Variants in CEP63 observed in about 807,000 individuals in gnomAD.
The protein encoded by CEP63 is centrosomal protein of 63 kDa.
In CEP63, 84 loss-of-function variants were observed where a neutral mutation model predicts 89.1. The ratio of observed to expected loss-of-function variants is 0.94; its 90% confidence interval spans 0.79 to 1.13. CEP63 has a LOEUF of 1.13. Ranked by LOEUF, CEP63 falls within the 50% of genes most tolerant of loss-of-function variation. The pLI is 0.00. For synonymous variants in CEP63, 267 were observed against 272.5 expected, an observed-to-expected ratio of 0.98 and a Z score of 0.20; for missense variants, 838 against 813.3, an observed-to-expected ratio of 1.03 and a Z score of -0.37.
At chr3:134,722,493 TAA>T in the CEP63 span, among the ~76,000 whole-genome samples, 1 of 152,186 alleles carries the variant, frequency 6.6e-6, no homozygotes, top group Non-Finnish European at 1.5e-5. Context: ...TTGATCTTAT[TAA>T]AGAGCCAGCT....
chr3:134,674,409 T>G, the CEP63 span, among the ~76,000 whole-genome samples: 1 of 152,112 alleles, frequency 6.6e-6, no homozygotes, highest in East Asian at 1.9e-4. Flanking sequence ...TTAAAAACAC[T>G]CGACAAACTA....
the CEP63 span, among the ~76,000 whole-genome samples, chr3:134,714,603 G>A: frequency 6.6e-6 from 1 of 152,210 alleles, no homozygotes; most frequent in African/African-American, 2.4e-5. Context: ...TCAAGGCTGG[G>A]CATTTCTTGA....
the CEP63 span, among the ~76,000 whole-genome samples, chr3:134,765,207 G>A: frequency 6.6e-6 from 1 of 152,194 alleles, no homozygotes; most frequent in Admixed American, 6.5e-5. Context: ...TTCATATTCT[G>A]CTTAATTAGA....
chr3:134,646,204 C>T, the CEP63 span, among the ~76,000 whole-genome samples: 1 of 152,178 alleles, frequency 6.6e-6, no homozygotes, highest in East Asian at 1.9e-4. Context: ...GTTTTGTTAG[C>T]TTTGGCGTCT....
At chr3:134,754,911 T>C in the CEP63 span, among the ~76,000 whole-genome samples, 1 of 151,820 alleles carries the variant, frequency 6.6e-6, no homozygotes, top group South Asian at 2.1e-4. Context: ...GGAGGGACAT[T>C]TGGGGGTCTC....
chr3:134,530,917 T>C (rs1314760667), intron 3 of CEP63, among the ~76,000 whole-genome samples: 1 of 152,228 alleles, frequency 6.6e-6, no homozygotes, highest in African/African-American at 2.4e-5. Context: ...TCCCTCTCCC[T>C]CCCTACTTAC....
the CEP63 span, among the ~76,000 whole-genome samples, chr3:134,776,760 A>G: frequency 5.3e-5 from 8 of 152,220 alleles, no homozygotes; most frequent in African/African-American, 9.7e-5. Context: ...GTTGGAGGTC[A>G]TGGGAGCCAG....
intron 1 of CEP63, among the ~76,000 whole-genome samples, chr3:134,494,450 C>T (rs966864792): frequency 7.2e-5 from 11 of 152,066 alleles, no homozygotes; most frequent in African/African-American, 1.9e-4. Context: ...TTCTATCTCC[C>T]GTTCCCTCTT....
intron 1 of CEP63, among the ~76,000 whole-genome samples, chr3:134,491,798 A>G (rs975787541): frequency 3.9e-5 from 6 of 152,314 alleles, no homozygotes; most frequent in Admixed American, 2.0e-4. Context: ...AGGTACAGGG[A>G]CAGAGAGCAT....
the CEP63 span, among the ~76,000 whole-genome samples, chr3:134,744,129 T>C: frequency 6.6e-6 from 1 of 152,180 alleles, no homozygotes; most frequent in Non-Finnish European, 1.5e-5. Context: ...CTATCCATAA[T>C]TGAGATTTGG....
intron 10 of CEP63, among the ~76,000 whole-genome samples, chr3:134,584,787 G>A (rs895603296): frequency 6.6e-6 from 1 of 151,960 alleles, no homozygotes; most frequent in Non-Finnish European, 1.5e-5. Context: ...GGTTGAATTC[G>A]GCTGTGAATC....
the CEP63 span, among the ~76,000 whole-genome samples, chr3:134,646,582 C>G: frequency 1.3e-5 from 2 of 152,244 alleles, no homozygotes; most frequent in African/African-American, 4.8e-5. Context: ...ACTTTTAGAA[C>G]TTCATCTTTC....
the CEP63 span, among the ~76,000 whole-genome samples, chr3:134,730,266 G>A: frequency 6.6e-6 from 1 of 152,134 alleles, no homozygotes; most frequent in African/African-American, 2.4e-5. Flanking sequence ...AGACAGTCTT[G>A]CCAGCATCCA....
chr3:134,496,480 G>C (rs1023158052), intron 2 of CEP63, among the ~76,000 whole-genome samples: 4 of 151,820 alleles, frequency 2.6e-5, no homozygotes, highest in African/African-American at 9.7e-5. Flanking sequence ...TGGACAAAGA[G>C]AATATTCTGG....
intron 3 of CEP63, among the ~76,000 whole-genome samples, chr3:134,531,089 G>A (rs1949764592): frequency 6.6e-6 from 1 of 152,198 alleles, no homozygotes; most frequent in African/African-American, 2.4e-5. Context: ...CTGGAGTTGG[G>A]TGAATGGTAA....
At chr3:134,566,109 T>C (rs79686615), downstream of CEP63, among the ~76,000 whole-genome samples, 216 of 137,140 alleles carry the variant, frequency 1.6e-3, no homozygotes, top group African/African-American at 5.7e-3. Context: ...ATTTTGATAA[T>C]TCAGACATAC....
chr3:134,633,671 T>C, the CEP63 span, among the ~76,000 whole-genome samples: 13 of 152,292 alleles, frequency 8.5e-5, no homozygotes, highest in Admixed American at 7.2e-4. Flanking sequence ...AACATGGTTA[T>C]GCTTTCTTCC....
chr3:134,645,573 A>G, the CEP63 span, among the ~76,000 whole-genome samples: 1 of 152,350 alleles, frequency 6.6e-6, no homozygotes, highest in East Asian at 1.9e-4. Context: ...ACAGAAAGAA[A>G]CTAATTTTAA....
At chr3:134,527,569 C>A (rs931896554) in intron 3 of CEP63, among the ~76,000 whole-genome samples, 1 of 152,198 alleles carries the variant, frequency 6.6e-6, no homozygotes, top group African/African-American at 2.4e-5. Flanking sequence ...GCAAGAAAAG[C>A]AAAACCTGCC....
Sources: gnomAD v4.1 joint callset for allele counts (sites outside exome capture counted in the v4.1 genomes callset) on GRCh38, gnomAD v4.1.1 for gene constraint, MANE v1.5 for transcripts, NCBI Gene and HGNC (gene_info 2026-07-23, HGNC 2026-07-21) for gene names.